SLC26A7: variants seen among roughly 807,000 people sequenced by gnomAD.
The protein encoded by SLC26A7 is anion exchange transporter.
A neutral mutation model predicts 82.5 loss-of-function variants in SLC26A7; 59 were observed. That is an observed-to-expected ratio of 0.72 (90% CI 0.58 to 0.89). SLC26A7 has a LOEUF of 0.89. Among genes scored for constraint, SLC26A7 ranks in the 40% least tolerant of loss-of-function variants. The probability of loss-of-function intolerance (pLI) is 0.00; values close to 1 mark genes in which losing one functional copy is unlikely to be tolerated. For synonymous variants in SLC26A7, 271 were observed against 274.3 expected, an observed-to-expected ratio of 0.99 and a Z score of 0.12; for missense variants, 820 against 793.0, an observed-to-expected ratio of 1.03 and a Z score of -0.41.
chr8:91,250,459 T>C (rs1810627853), intron 2 of SLC26A7, among the ~76,000 whole-genome samples: 1 of 152,146 alleles, frequency 6.6e-6, no homozygotes, highest in South Asian at 2.1e-4. Context: ...GATTTTAACT[T>C]TCCCCAAAAC....
intron 1 of SLC26A7, chr8:91,209,581 G>C (rs888498592): frequency 9.8e-5 from 15 of 152,354 alleles, no homozygotes; most frequent in African/African-American, 3.1e-4. Context: ...CGTGAGGAAG[G>C]CTTGAAGAAA....
At chr8:91,363,374 A>T in intron 12 of SLC26A7, 98 bp from the exon 13 acceptor site, 1 of 656,218 alleles carries the variant, frequency 1.5e-6, no homozygotes, top group South Asian at 1.8e-5. Flanking sequence ...ATCATCTCAG[A>T]CACATTCTAG....
chr8:91,396,207 A>G lies in SLC26A7; in HGVS notation c.*1110A>G, dbSNP rs1808569524. 1 of 152,076 alleles carries G rather than the reference A, an allele frequency of 6.6e-6. No individual in the cohort carries two copies. The highest frequency in any genetic ancestry group is 1.5e-5 in the Non-Finnish European group (1 of 67,920). 9.4% of individuals were successfully genotyped at this position (152,076 alleles called of 1,614,324 possible). On this transcript the variant is annotated 3_prime_UTR_variant, in exon 19 of 19. Coordinates refer to ENST00000276609, the MANE Select transcript of SLC26A7 (RefSeq NM_052832.4). ...TATACATATATTTTCAATCACATAC[A>G]AGTACATAGAATTTCACATTTTAAT...
rs759009588 is a variant in SLC26A7 at position 91,338,188 on chromosome 8, G to T, written c.834G>T (p.Met278Ile). 1 of 1,610,722 alleles carries T rather than the reference G, an allele frequency of 6.2e-7. No individual in the cohort carries two copies. Among genetic ancestry groups the T allele is most frequent in the Non-Finnish European group, 8.5e-7 (1 of 1,178,722 alleles). The change falls in exon 7 of 19, where the codon ATG becomes ATT. Residue 278 changes from methionine (M) to isoleucine (I), a missense_variant. Transcript: ENST00000276609. Reference protein sequence around the residue: ...AASFACYCTNMENTYGLEVVG... With the variant: ...AASFACYCTNIENTYGLEVVG... The stretch of plus-strand genomic sequence containing the variant: ...CATTTGCTTGTTATTGCACCAATAT[G>T]GAAAACACATATGGATTAGAAGTAG...
At chr8:91,309,289 A>T (rs915282249) in intron 4 of SLC26A7, among the ~76,000 whole-genome samples, 1 of 151,244 alleles carries the variant, frequency 6.6e-6, no homozygotes, top group Non-Finnish European at 1.5e-5. Context: ...GTATGTAATC[A>T]TATCTATATG....
intron 2 of SLC26A7, among the ~76,000 whole-genome samples, chr8:91,237,802 C>T (rs1197850768): frequency 2.6e-5 from 4 of 152,200 alleles, no homozygotes; most frequent in African/African-American, 9.6e-5. Context: ...AGCTCCTCTT[C>T]CAAAGATCAC....
intron 6 of SLC26A7, among the ~76,000 whole-genome samples, chr8:91,337,366 T>C (rs962394919): frequency 3.9e-5 from 6 of 152,306 alleles, no homozygotes; most frequent in Admixed American, 2.6e-4. Flanking sequence ...TTTTACAAGA[T>C]GAATTACTCC....
At chr8:91,332,580 T>C (rs1009243097) in intron 5 of SLC26A7, among the ~76,000 whole-genome samples, 4 of 149,486 alleles carry the variant, frequency 2.7e-5, no homozygotes, top group Non-Finnish European at 5.9e-5. Context: ...CAGGCTGGAG[T>C]GTAGTGGTGC....
intron 3 of SLC26A7, among the ~76,000 whole-genome samples, chr8:91,289,701 T>C (rs1209768330): frequency 6.6e-6 from 1 of 151,446 alleles, no homozygotes; most frequent in African/African-American, 2.4e-5. Flanking sequence ...TGAGAGAAAG[T>C]AAGTACTTGG....
At chr8:91,345,917 AT>A (rs1384703049) in intron 9 of SLC26A7, among the ~76,000 whole-genome samples, 3 of 151,868 alleles carry the variant, frequency 2.0e-5, no homozygotes, top group Admixed American at 6.6e-5. Flanking sequence ...TAAATTTGGG[AT>A]TTTTTTTCAC....
intron 15 of SLC26A7, among the ~76,000 whole-genome samples, chr8:91,381,497 A>G (rs921624362): frequency 6.6e-6 from 1 of 152,122 alleles, no homozygotes; most frequent in Non-Finnish European, 1.5e-5. Flanking sequence ...GTAATACTAG[A>G]ATAATACTTA....
chr8:91,271,853 C>CAA (rs1811281040), intron 2 of SLC26A7, among the ~76,000 whole-genome samples: 1 of 152,178 alleles, frequency 6.6e-6, no homozygotes, highest in South Asian at 2.1e-4. Context: ...CTCGGCCTCT[C>CAA]AAAGTGTTGG....
rs371694156 is a variant in SLC26A7, at chr8:91,211,117, A to C, written c.-150+1575A>C. On this transcript the variant is annotated intron_variant, in intron 1 of 5. Coordinates refer to the SLC26A7 transcript ENST00000522862. ...ATTTTCAAAGCACTAAGGGAAAATAACTCAAAATGTAGACTTATATGTGTA... is the reference window on the plus strand; with the variant it reads ...ATTTTCAAAGCACTAAGGGAAAATACCTCAAAATGTAGACTTATATGTGTA... Among the ~76,000 whole-genome samples the C allele has an allele frequency of 5.9e-5, 9 of 152,288 alleles. No homozygotes were observed. The South Asian group carries it at 1.0e-3, about 18-fold the overall frequency.
intron 6 of SLC26A7, among the ~76,000 whole-genome samples, chr8:91,336,582 T>C (rs1001578085): frequency 2.6e-5 from 4 of 151,946 alleles, no homozygotes; most frequent in African/African-American, 9.7e-5. Flanking sequence ...GCCAAAAAGG[T>C]TGGGGACTGC....
intron 2 of SLC26A7, among the ~76,000 whole-genome samples, chr8:91,265,525 C>T (rs1227865609): frequency 6.6e-6 from 1 of 151,940 alleles, no homozygotes; most frequent in Admixed American, 6.6e-5. Context: ...GAATTTCCCT[C>T]TTTCTGCATC....
At chr8:91,277,911 C>T (rs1811449555) in intron 2 of SLC26A7, among the ~76,000 whole-genome samples, 1 of 149,322 alleles carries the variant, frequency 6.7e-6, no homozygotes, top group Non-Finnish European at 1.5e-5. Context: ...TACCATATAT[C>T]ATTAGGGAGT....
chr8:91,231,380 T>C (rs773514578), intron 2 of SLC26A7, among the ~76,000 whole-genome samples: 1 of 152,184 alleles, frequency 6.6e-6, no homozygotes, highest in Non-Finnish European at 1.5e-5. Flanking sequence ...TTAGATGTTG[T>C]AGTCTCAGAT....
At chr8:91,355,100 C>T (rs1365306801) in intron 11 of SLC26A7, among the ~76,000 whole-genome samples, 1 of 152,168 alleles carries the variant, frequency 6.6e-6, no homozygotes, top group Non-Finnish European at 1.5e-5. Context: ...CTTTTTAAAT[C>T]TAACATTATC....
At chr8:91,234,827 A>ACCTACCTCCTTCCTTCCTTCCTTT (rs1386380375) in intron 2 of SLC26A7, among the ~76,000 whole-genome samples, 1 of 92,494 alleles carries the variant, frequency 1.1e-5, no homozygotes, top group East Asian at 3.4e-4. Flanking sequence ...CTACCTACCT[A>ACCTACCTCCTTCCTTCCTTCCTTT]CTTCCTTCCT....
Sources: allele counts gnomAD v4.1 joint callset (sites outside exome capture counted in the v4.1 genomes callset), GRCh38; gene constraint gnomAD v4.1.1; transcripts MANE v1.5; gene names NCBI Gene and HGNC (gene_info 2026-07-23, HGNC 2026-07-21).